The following DAB1 variants were observed in gnomAD, a reference collection of about 807,000 sequenced individuals.
DAB1 encodes the protein DAB adaptor protein 1, also known as disabled homolog 1.
DAB1 carries 15 observed loss-of-function variants against 64.6 expected under a neutral mutation model. The observed-to-expected ratio is 0.23, with a 90% CI of 0.16 to 0.36. The LOEUF is 0.36. Ranked by LOEUF, DAB1 falls within the 10% of genes least tolerant of loss-of-function variation. DAB1 has a pLI of 1.00. For synonymous variants in DAB1, 235 were observed against 251.9 expected, an observed-to-expected ratio of 0.93 and a Z score of 0.64; for missense variants, 596 against 706.7, an observed-to-expected ratio of 0.84 and a Z score of 1.78.
At chr1:57,364,780 T>C (rs1276983771) in intron 1 of DAB1, among the ~76,000 whole-genome samples, 1 of 151,290 alleles carries the variant, frequency 6.6e-6, no homozygotes, top group Non-Finnish European at 1.5e-5. Context: ...AGTTACAATG[T>C]GATTCCACTT....
At chr1:57,846,891 C>T (rs1330125005) in intron 1 of DAB1, among the ~76,000 whole-genome samples, 1 of 152,180 alleles carries the variant, frequency 6.6e-6, no homozygotes, top group African/African-American at 2.4e-5. Flanking sequence ...AAAAAGGAGA[C>T]AGTCTGGACC....
At chr1:57,062,079 C>T (rs1489563029) in intron 9 of DAB1, among the ~76,000 whole-genome samples, 2 of 152,150 alleles carry the variant, frequency 1.3e-5, no homozygotes, top group East Asian at 3.9e-4. Context: ...CTTCTGCATG[C>T]CAGTTGTAGG....
intron 1 of DAB1, among the ~76,000 whole-genome samples, chr1:57,388,682 G>T (rs1018164256): frequency 1.8e-4 from 28 of 152,086 alleles, no homozygotes; most frequent in African/African-American, 6.8e-4. Flanking sequence ...TCTCCCTTGT[G>T]TGCTTCAGAC....
chr1:58,083,109 T>A (rs550915214), intron 5 of DAB1, among the ~76,000 whole-genome samples: 1 of 152,316 alleles, frequency 6.6e-6, no homozygotes, highest in South Asian at 2.1e-4. Context: ...TTTCTTTACA[T>A]CTTTTCCCTT....
At chr1:57,136,145 G>A (rs924324144) in intron 4 of DAB1, among the ~76,000 whole-genome samples, 12 of 152,112 alleles carry the variant, frequency 7.9e-5, no homozygotes, top group African/African-American at 2.4e-4. Context: ...AGGTGCTCCA[G>A]GTTAAACTCA....
chr1:57,498,427 A>G (rs1413475502), intron 7 of DAB1, among the ~76,000 whole-genome samples: 1 of 152,160 alleles, frequency 6.6e-6, no homozygotes, highest in Non-Finnish European at 1.5e-5. Flanking sequence ...GGCACAAAGG[A>G]ATAACCAGAG....
intron 5 of DAB1, among the ~76,000 whole-genome samples, chr1:57,966,266 C>A (rs1645663554): frequency 6.6e-6 from 1 of 152,088 alleles, no homozygotes. Flanking sequence ...GAAGAGCTGA[C>A]CCCTGGAATC....
intron 3 of DAB1, among the ~76,000 whole-genome samples, chr1:58,483,485 G>A (rs1450750847): frequency 3.9e-5 from 6 of 152,150 alleles, no homozygotes. Context: ...AGGTAAGCTG[G>A]AGAGTTGAAA....
At chr1:57,104,848 C>A (rs1026626251) in intron 4 of DAB1, among the ~76,000 whole-genome samples, 2 of 152,080 alleles carry the variant, frequency 1.3e-5, no homozygotes, top group Non-Finnish European at 2.9e-5. Context: ...AGTCTGAATT[C>A]TGCCAAGATT....
At chr1:57,333,398 A>G (rs1331775218) in intron 1 of DAB1, among the ~76,000 whole-genome samples, 2 of 152,226 alleles carry the variant, frequency 1.3e-5, no homozygotes, top group Non-Finnish European at 2.9e-5. Context: ...GGGCACACTT[A>G]TCTTACAGGG....
At chr1:57,961,275 TATA>T (rs772177141) in intron 5 of DAB1, among the ~76,000 whole-genome samples, 10 of 152,212 alleles carry the variant, frequency 6.6e-5, no homozygotes, top group Non-Finnish European at 1.5e-4. Flanking sequence ...TACATATACA[TATA>T]ATAATATGTG....
At chr1:58,387,095 A>AAACG (rs1644438643) in intron 3 of DAB1, among the ~76,000 whole-genome samples, 1 of 152,142 alleles carries the variant, frequency 6.6e-6, no homozygotes, top group African/African-American at 2.4e-5. Flanking sequence ...ACAAACAAAC[A>AAACG]AAAAAAGTGT....
At chr1:57,254,352 G>A (rs1420470082) in intron 2 of DAB1, among the ~76,000 whole-genome samples, 1 of 152,184 alleles carries the variant, frequency 6.6e-6, no homozygotes, top group East Asian at 1.9e-4. Context: ...ATGTAGAAAA[G>A]ATATTTCATC....
In DAB1 at chr1:57,198,649, T is replaced by TCTCTCTCTCTCA. The variant is rs1477522407; in HGVS notation, c.68-53221_68-53220insTGAGAGAGAGAG. Among the ~76,000 whole-genome samples, 191 of 128,326 alleles carry TCTCTCTCTCTCA rather than the reference T, an allele frequency of 1.5e-3. 1 individual carries two copies. Among genetic ancestry groups the TCTCTCTCTCTCA allele is most frequent in the East Asian group, 4.5e-3 (20 of 4,476 alleles). 84.2% of individuals were successfully genotyped at this position (128,326 alleles called of 152,430 possible). Reference sequence around the variant, plus strand: ...CCTCCCTCCCTGCATCTTCTCTCTCTCACACACACACACACACACACACAC... The same window carrying TCTCTCTCTCTCA: ...CCTCCCTCCCTGCATCTTCTCTCTCTCTCTCTCTCTCACACACACACACACACACACACACAC... On this transcript the variant is annotated intron_variant, in intron 2 of 14. Transcript: ENST00000371236.
At chr1:57,542,538 T>C (rs1352459985) in intron 7 of DAB1, among the ~76,000 whole-genome samples, 3 of 151,010 alleles carry the variant, frequency 2.0e-5, no homozygotes, top group East Asian at 2.0e-4. Context: ...AAGAGTTCAA[T>C]AGAGCTTAAT....
chr1:57,061,723 G>A (rs1314313749), intron 9 of DAB1, among the ~76,000 whole-genome samples: 1 of 152,134 alleles, frequency 6.6e-6, no homozygotes, highest in Admixed American at 6.5e-5. Context: ...ACATTTCTGT[G>A]TCCTTCAGCT....
At chr1:58,196,959 C>G (rs918191900) in intron 4 of DAB1, among the ~76,000 whole-genome samples, 1 of 152,192 alleles carries the variant, frequency 6.6e-6, no homozygotes, top group African/African-American at 2.4e-5. Flanking sequence ...TTAGATGAAG[C>G]CCATGTGACT....
chr1:57,513,723 C>T (rs1490946911), intron 7 of DAB1, among the ~76,000 whole-genome samples: 3 of 152,260 alleles, frequency 2.0e-5, no homozygotes, highest in South Asian at 2.1e-4. Context: ...ACTCCCTTGG[C>T]GATTTTCAAG....
At chr1:57,481,784 T>A (rs1403685473) in intron 7 of DAB1, among the ~76,000 whole-genome samples, 2 of 148,788 alleles carry the variant, frequency 1.3e-5, no homozygotes, top group Non-Finnish European at 3.0e-5. Context: ...ACCACTGCAC[T>A]CCAGCCTGGG....
Sources: allele counts gnomAD v4.1 joint callset (sites outside exome capture counted in the v4.1 genomes callset), GRCh38; gene constraint gnomAD v4.1.1; transcripts MANE v1.5; gene names NCBI Gene and HGNC (gene_info 2026-07-23, HGNC 2026-07-21).